The following SKAP1 variants were observed in gnomAD, a reference collection of about 807,000 sequenced individuals.
SKAP1 encodes src kinase associated phosphoprotein 1, also known as src kinase-associated phosphoprotein 1.
SKAP1 carries 44 observed loss-of-function variants against 58.5 expected under a neutral mutation model. The observed-to-expected ratio is 0.75, with a 90% CI of 0.59 to 0.97. The LOEUF (loss-of-function observed/expected upper bound fraction) is 0.97. Ranked by LOEUF, SKAP1 falls within the 50% of genes least tolerant of loss-of-function variation. SKAP1 has a pLI of 0.00. For missense variants in SKAP1, 390 were observed against 435.2 expected (o/e 0.90, Z 0.92); for synonymous variants, 127 against 149.7 (o/e 0.85, Z 1.11).
intron 1 of SKAP1, among the ~76,000 whole-genome samples, chr17:48,415,965 C>T (rs2067727146): frequency 2.0e-5 from 3 of 152,058 alleles, no homozygotes; most frequent in Admixed American, 2.0e-4. Context: ...GGAAGGTGAG[C>T]CCCCATCAAA....
At chr17:48,439,682 A>G in the SKAP1 span, among the ~76,000 whole-genome samples, 7 of 152,212 alleles carry the variant, frequency 4.6e-5, no homozygotes, top group African/African-American at 1.7e-4. Flanking sequence ...AGCACAATTC[A>G]TGCAGCTACC....
chr17:48,192,180 TA>T (rs11409890), intron 4 of SKAP1, among the ~76,000 whole-genome samples: 25 of 149,034 alleles, frequency 1.7e-4, no homozygotes, highest in South Asian at 4.2e-4. Context: ...CTCTGCCTCT[TA>T]AAAAAAAAAA....
Position 48,401,262 on chromosome 17 carries a change from T to C in SKAP1, c.47-4477A>G, listed in dbSNP as rs545882386. On this transcript the variant is annotated intron_variant, in intron 1 of 12. Coordinates refer to ENST00000336915, the MANE Select transcript of SKAP1 (RefSeq NM_003726.4). ...CCGAGGTTGCAGTGAGCCGAGATCA[T>C]GCCACTGCACTCCAACCTAGGCAAC... 4.6e-5 allele frequency among the ~76,000 whole-genome samples: 7 copies of C among 151,380 alleles called. No homozygotes were observed. The East Asian group carries it at 7.8e-4, about 17-fold the overall frequency.
intron 4 of SKAP1, among the ~76,000 whole-genome samples, chr17:48,200,658 A>G (rs141036814): frequency 0.27 from 41,403 of 152,078 alleles, 6,365 homozygotes; most frequent in African/African-American, 0.42. Context: ...GATTACAGGC[A>G]TGAGCCACCG....
chr17:48,310,704 A>T (rs192856568), intron 4 of SKAP1, among the ~76,000 whole-genome samples: 178 of 152,304 alleles, frequency 1.2e-3, no homozygotes, highest in Non-Finnish European at 2.4e-3. Flanking sequence ...TAATAATTTC[A>T]ATGTAAGAAA....
chr17:48,287,163 T>A (rs2065841561), intron 4 of SKAP1, among the ~76,000 whole-genome samples: 1 of 151,892 alleles, frequency 6.6e-6, no homozygotes, highest in African/African-American at 2.4e-5. Context: ...ATAATTTTAA[T>A]TTCTTTATCA....
chr17:48,198,050 T>C lies in SKAP1; in HGVS notation c.281-8550A>G, dbSNP rs529325134. Reference sequence around the variant, plus strand: ...AATACTTTCTGGTAGGTGTCAGGAGTTCATCTTAAAGAATGACTAACTGTA... The same window carrying C: ...AATACTTTCTGGTAGGTGTCAGGAGCTCATCTTAAAGAATGACTAACTGTA... On this transcript the variant is annotated intron_variant, in intron 4 of 12. Transcript: ENST00000336915. Among the ~76,000 whole-genome samples the C allele has an allele frequency of 2.0e-5, 3 of 152,276 alleles. No homozygotes were observed. The East Asian group carries it at 5.8e-4, about 29-fold the overall frequency.
intron 4 of SKAP1, among the ~76,000 whole-genome samples, chr17:48,299,993 G>C (rs1047700170): frequency 6.6e-6 from 1 of 152,152 alleles, no homozygotes; most frequent in Non-Finnish European, 1.5e-5. Context: ...CAGTATTTCA[G>C]GTCATGGTTT....
intron 4 of SKAP1, among the ~76,000 whole-genome samples, chr17:48,231,157 A>G (rs2065121784): frequency 6.6e-6 from 1 of 152,164 alleles, no homozygotes; most frequent in African/African-American, 2.4e-5. Flanking sequence ...TCACCTGGGC[A>G]CCTTAAAGAT....
chr17:48,335,784 C>T (rs918841997), intron 4 of SKAP1, among the ~76,000 whole-genome samples: 1 of 152,022 alleles, frequency 6.6e-6, no homozygotes, highest in African/African-American at 2.4e-5. Flanking sequence ...GGAATACAAA[C>T]CCTCAAGATT....
At chr17:48,219,441 G>A (rs1212549325) in intron 4 of SKAP1, among the ~76,000 whole-genome samples, 3 of 152,128 alleles carry the variant, frequency 2.0e-5, no homozygotes, top group Admixed American at 2.0e-4. Flanking sequence ...CTGTTTATTG[G>A]TTAGTATTTT....
intron 4 of SKAP1, among the ~76,000 whole-genome samples, chr17:48,309,338 C>T (rs1456347170): frequency 6.6e-6 from 1 of 152,076 alleles, no homozygotes; most frequent in Non-Finnish European, 1.5e-5. Context: ...TGTTAAGCCT[C>T]TTGTTAAACT....
chr17:48,208,128 GTGTTTTCA>G (rs1379684226), intron 4 of SKAP1, among the ~76,000 whole-genome samples: 1 of 152,160 alleles, frequency 6.6e-6, no homozygotes, highest in African/African-American at 2.4e-5. Context: ...AGTGGAAATC[GTGTTTTCA>G]GAATAGGAAG....
chr17:48,375,013 G>A (rs188685056), intron 2 of SKAP1, among the ~76,000 whole-genome samples: 1 of 152,274 alleles, frequency 6.6e-6, no homozygotes, highest in East Asian at 1.9e-4. Context: ...TACCTACAAG[G>A]AGCTTACAAT....
chr17:48,426,787 T>G (rs2144625999), intron 1 of SKAP1, among the ~76,000 whole-genome samples: 1 of 152,260 alleles, frequency 6.6e-6, no homozygotes, highest in Admixed American at 6.5e-5. Context: ...AAGAAGCTAT[T>G]TCCTGAGTTA....
At chr17:48,345,074 ACT>A (rs755063652) in intron 4 of SKAP1, among the ~76,000 whole-genome samples, 3 of 152,100 alleles carry the variant, frequency 2.0e-5, no homozygotes, top group Non-Finnish European at 1.5e-5. Context: ...CATGAGAGAG[ACT>A]CTGATAAGAA....
intron 4 of SKAP1, among the ~76,000 whole-genome samples, chr17:48,258,801 T>A (rs1282031204): frequency 2.6e-5 from 4 of 152,004 alleles, no homozygotes; most frequent in Non-Finnish European, 5.9e-5. Context: ...ACAAACTGTA[T>A]AGATGGGAAA....
At chr17:48,310,229 G>C (rs2066205305) in intron 4 of SKAP1, among the ~76,000 whole-genome samples, 2 of 152,164 alleles carry the variant, frequency 1.3e-5, no homozygotes. Context: ...CTACAGTTTG[G>C]GGTGTCTGTC....
intron 4 of SKAP1, among the ~76,000 whole-genome samples, chr17:48,212,817 G>T (rs1487838753): frequency 1.3e-5 from 2 of 152,094 alleles, no homozygotes; most frequent in African/African-American, 4.8e-5. Context: ...TCATTGAATC[G>T]TATGGCTATT....
Sources: gnomAD v4.1 joint callset for allele counts (sites outside exome capture counted in the v4.1 genomes callset) on GRCh38, gnomAD v4.1.1 for gene constraint, MANE v1.5 for transcripts, NCBI Gene and HGNC (gene_info 2026-07-23, HGNC 2026-07-21) for gene names.